The following ADAM32 variants were observed in gnomAD, a reference collection of about 807,000 sequenced individuals.
ADAM32 encodes disintegrin and metalloproteinase domain-containing protein 32.
Under a neutral mutation model 114.9 loss-of-function variants are expected in ADAM32, and 89 were observed. That is an observed-to-expected ratio of 0.77 (90% CI 0.65 to 0.92). The LOEUF (loss-of-function observed/expected upper bound fraction) is 0.92, where lower values mean the gene tolerates loss of function less well. Ranked by LOEUF, ADAM32 falls within the 40% of genes least tolerant of loss-of-function variation. ADAM32 has a pLI of 0.00. For synonymous variants in ADAM32, 285 were observed against 307.5 expected (o/e 0.93, Z 0.77); for missense variants, 870 against 932.8 (o/e 0.93, Z 0.88).
In ADAM32 at chr8:39,112,226, C is replaced by T. The variant is rs574087228; in HGVS notation, c.58+4393C>T. Among the ~76,000 whole-genome samples, 25 of 152,128 alleles carry T rather than the reference C, an allele frequency of 1.6e-4. 1 individual carries two copies. The highest frequency in any genetic ancestry group is 1.2e-3 in the South Asian group (6 of 4,826). On this transcript the variant is annotated intron_variant, in intron 1 of 24. Coordinates refer to ENST00000379907, the MANE Select transcript of ADAM32 (RefSeq NM_145004.7). The stretch of plus-strand genomic sequence containing the variant: ...AAATATGTGTAAATGTAGACATATA[C>T]GGTCCTTTTGAAGTAAATTATAAAT...
chr8:39,257,444 G>A lies in ADAM32; in HGVS notation c.2162+101G>A. The A allele has an allele frequency of 2.3e-6, 3 of 1,326,950 alleles. No homozygotes were observed. In the South Asian group the frequency reaches 5.2e-5, roughly 23 times the overall value. The allele number at this position is 1,326,950 out of a possible 1,614,324, so 82.2% of individuals were successfully genotyped here. A position where few individuals can be genotyped will look rare whatever the true frequency, so the allele number is the denominator to read the frequency against. On this transcript the variant is annotated intron_variant, in intron 19 of 24. Transcript: ENST00000379907. ...CAGTAGCAATACTTTACATATCACT[G>A]GGATTTTGAGTATTACATCAATATG... is the stretch of plus-strand genomic sequence containing the variant.
At chr8:39,145,001 C>G (rs1244192362) in intron 3 of ADAM32, among the ~76,000 whole-genome samples, 1 of 152,092 alleles carries the variant, frequency 6.6e-6, no homozygotes, top group East Asian at 1.9e-4. Context: ...ATACAAAAAT[C>G]ATAGCATTTC....
rs60223242 is a variant in ADAM32, at chr8:39,281,235, T to C, written c.2318+61T>C. 0.01 allele frequency: 10,817 copies of C among 1,056,220 alleles called. 814 individuals are homozygous for C. In the African/African-American group the frequency reaches 0.16, roughly 16 times the overall value. 65.4% of individuals were successfully genotyped at this position (1,056,220 alleles called of 1,614,324 possible). A position where few individuals can be genotyped will look rare whatever the true frequency, so the allele number is the denominator to read the frequency against. On this transcript the variant is annotated intron_variant, in intron 23 of 24. Coordinates refer to ENST00000379907, the MANE Select transcript of ADAM32 (RefSeq NM_145004.7). ...ATGTTGAAAATTCAGAATGAAAAAG[T>C]TGATAATTCACAAATAATTGCTCAA...
chr8:39,248,904 CTTTTT>C (rs373072424), intron 17 of ADAM32, among the ~76,000 whole-genome samples: 1 of 134,136 alleles, frequency 7.5e-6, no homozygotes, highest in African/African-American at 2.7e-5. Flanking sequence ...TGAGTGTTGA[CTTTTT>C]TTTTTTTTTT....
intron 18 of ADAM32, among the ~76,000 whole-genome samples, chr8:39,255,693 G>A (rs1811611370): frequency 6.6e-6 from 1 of 152,032 alleles, no homozygotes; most frequent in South Asian, 2.1e-4. Flanking sequence ...TTACTCTGCT[G>A]ATTATATCTT....
chr8:39,201,104 A>T (rs968312264), intron 11 of ADAM32, among the ~76,000 whole-genome samples: 5 of 152,076 alleles, frequency 3.3e-5, no homozygotes, highest in Non-Finnish European at 7.4e-5. Context: ...CTTGGCAATG[A>T]GGGCTCTTTT....
At chr8:39,186,794 T>G (rs774003220) in intron 10 of ADAM32, 115 bp from the exon 11 acceptor site, 1 of 877,106 alleles carries the variant, frequency 1.1e-6, no homozygotes, top group Non-Finnish European at 1.6e-6. Flanking sequence ...AGGATCCATA[T>G]CTCCCTAATT....
intron 2 of ADAM32, among the ~76,000 whole-genome samples, chr8:39,129,547 T>C (rs1401209572): frequency 6.6e-6 from 1 of 152,240 alleles, no homozygotes; most frequent in African/African-American, 2.4e-5. Flanking sequence ...ATTTCTGTGA[T>C]AAATGGTGTA....
chr8:39,221,569 G>A (rs1363867850), intron 12 of ADAM32, 41 bp from the exon 13 acceptor site: 2 of 1,468,938 alleles, frequency 1.4e-6, no homozygotes, highest in East Asian at 2.3e-5. Context: ...TTTTACTATT[G>A]TCATGATGTA....
intron 19 of ADAM32, among the ~76,000 whole-genome samples, chr8:39,257,887 A>G (rs532496770): frequency 1.2e-3 from 184 of 152,152 alleles, no homozygotes; most frequent in Non-Finnish European, 2.1e-3. Context: ...AGATATTAAT[A>G]TTTTTCTTGT....
intron 14 of ADAM32, among the ~76,000 whole-genome samples, chr8:39,225,183 C>G (rs1472018862): frequency 6.6e-6 from 1 of 152,200 alleles, no homozygotes; most frequent in Non-Finnish European, 1.5e-5. Context: ...GACCCTGGAG[C>G]TGTGGCTCTT....
chr8:39,253,777 A>T (rs918734760), intron 17 of ADAM32, among the ~76,000 whole-genome samples: 6 of 151,850 alleles, frequency 4.0e-5, no homozygotes, highest in Non-Finnish European at 5.9e-5. Flanking sequence ...GACACAAAAA[A>T]TTGAAAGATA....
At chr8:39,248,916 T>C (rs538061627) in intron 17 of ADAM32, among the ~76,000 whole-genome samples, 1 of 151,624 alleles carries the variant, frequency 6.6e-6, no homozygotes, top group South Asian at 2.1e-4. Context: ...TTTTTTTTTT[T>C]TTTTGAGATG....
rs1002730761 is a variant in ADAM32 at position 39,254,607 on chromosome 8, G to A, written c.2005+91G>A. The A allele has an allele frequency of 6.7e-6, 6 of 894,208 alleles. No homozygotes were observed. In the East Asian group the frequency reaches 1.2e-4, roughly 18 times the overall value. 55.4% of individuals were successfully genotyped at this position (894,208 alleles called of 1,614,324 possible). Reference sequence around the variant, plus strand: ...AAAGTTCGATTTTTCCACTTACAAGGCAACTGATATTTGTAATAAAAAGGT... The same window carrying A: ...AAAGTTCGATTTTTCCACTTACAAGACAACTGATATTTGTAATAAAAAGGT... On this transcript the variant is annotated intron_variant, in intron 18 of 24. Coordinates refer to ENST00000379907, the MANE Select transcript of ADAM32 (RefSeq NM_145004.7).
chr8:39,174,787 T>C (rs1805414524), intron 10 of ADAM32, among the ~76,000 whole-genome samples: 1 of 144,230 alleles, frequency 6.9e-6, no homozygotes, highest in South Asian at 2.2e-4. Context: ...AGTATGGCCA[T>C]TTTCATGATA....
intron 11 of ADAM32, among the ~76,000 whole-genome samples, chr8:39,199,541 G>A (rs1393822403): frequency 2.0e-5 from 3 of 151,662 alleles, no homozygotes; most frequent in Admixed American, 6.6e-5. Flanking sequence ...CAAGGTTTCT[G>A]TTTGATTCTT....
chr8:39,227,654 C>T (rs534189826), intron 14 of ADAM32, among the ~76,000 whole-genome samples: 1 of 152,260 alleles, frequency 6.6e-6, no homozygotes, highest in Non-Finnish European at 1.5e-5. Context: ...TCACCCCCAC[C>T]CCACACAGCA....
chr8:39,164,928 C>T, intron 8 of ADAM32, 93 bp downstream of exon 8: 1 of 1,467,520 alleles, frequency 6.8e-7, no homozygotes, highest in Non-Finnish European at 9.3e-7. Flanking sequence ...ATTAACCCAC[C>T]CATATAAACT....
intron 17 of ADAM32, among the ~76,000 whole-genome samples, chr8:39,250,051 T>C (rs1253490772): frequency 6.6e-6 from 1 of 152,124 alleles, no homozygotes; most frequent in Non-Finnish European, 1.5e-5. Context: ...TATGTCTAGG[T>C]ATAAATTTTT....
Sources: gnomAD v4.1 joint callset for allele counts (sites outside exome capture counted in the v4.1 genomes callset) on GRCh38, gnomAD v4.1.1 for gene constraint, MANE v1.5 for transcripts, NCBI Gene and HGNC (gene_info 2026-07-23, HGNC 2026-07-21) for gene names.